Variants in CELSR1 observed in about 807,000 individuals in gnomAD.
CELSR1 encodes adhesion G protein-coupled receptor C1.
In CELSR1, 110 loss-of-function variants were observed where a neutral mutation model predicts 249.1. That is an observed-to-expected ratio of 0.44 (90% CI 0.38 to 0.52). The LOEUF (loss-of-function observed/expected upper bound fraction) is 0.52, where lower values mean the gene tolerates loss of function less well. Ranked by LOEUF, CELSR1 falls within the 20% of genes least tolerant of loss-of-function variation. The probability of loss-of-function intolerance (pLI) is 0.00; values close to 1 mark genes in which losing one functional copy is unlikely to be tolerated. For synonymous variants in CELSR1, 2,113 were observed against 1,900.0 expected (o/e 1.11, Z -2.92); for missense variants, 4,109 against 4,296.4 (o/e 0.96, Z 1.22).
chr22:46,391,175 C>T lies in CELSR1; in HGVS notation c.6250+11G>A, dbSNP rs375010005. 480 of 1,608,900 alleles carry T rather than the reference C, an allele frequency of 3.0e-4. 2 individuals are homozygous for T. The highest frequency in any genetic ancestry group is 7.6e-5 in the Non-Finnish European group (90 of 1,177,540). On this transcript the variant is annotated intron_variant, in intron 16 of 34. Transcript: ENST00000674500. This position sits in a 1 kb window ranked among gnomAD's most constrained non-coding sequence, Gnocchi z 4.3. Reference sequence around the variant, plus strand: ...GCCTCAGTTCCCTACACACAGGCCACGGCGACTCACCAACGGATCCCTTAG... The same window carrying T: ...GCCTCAGTTCCCTACACACAGGCCATGGCGACTCACCAACGGATCCCTTAG...
At chr22:46,489,998 G>A (rs551924010) in intron 1 of CELSR1, among the ~76,000 whole-genome samples, 1 of 152,154 alleles carries the variant, frequency 6.6e-6, no homozygotes, top group South Asian at 2.1e-4. Context: ...GTGGGAAAGC[G>A]TCCTCCTGGC....
Position 46,410,640 on chromosome 22 carries a change from T to C in CELSR1, c.4770-79A>G, listed in dbSNP as rs547312092. The C allele has an allele frequency of 6.8e-7, 1 of 1,461,226 alleles. No individual in the cohort carries two copies. The highest frequency in any genetic ancestry group is 1.2e-5 in the South Asian group (1 of 84,386). The allele number at this position is 1,461,226 out of a possible 1,614,324, so 90.5% of individuals were successfully genotyped here. A position where few individuals can be genotyped will look rare whatever the true frequency, so the allele number is the denominator to read the frequency against. ...GCGGGCTGGGCTCCGCAGTTGCCTC[T>C]GTGTAGCCTCTACCACCATAACTAC... On this transcript the variant is annotated intron_variant, in intron 6 of 34. Coordinates refer to ENST00000674500, the MANE Select transcript of CELSR1 (RefSeq NM_001378328.1). The surrounding 1 kb of genome is among the most constrained non-coding windows in gnomAD (Gnocchi z 6.8).
chr22:46,498,066 T>C (rs2080430011), intron 1 of CELSR1, among the ~76,000 whole-genome samples: 1 of 150,422 alleles, frequency 6.6e-6, no homozygotes, highest in African/African-American at 2.5e-5. Flanking sequence ...CTGACCAACA[T>C]GGAGAAACCC....
rs2079506931 is a variant in CELSR1 at position 46,423,818 on chromosome 22, C to G, written c.4611+9575G>C. Among the ~76,000 whole-genome samples the G allele has an allele frequency of 6.7e-6, 1 of 150,266 alleles. No homozygotes were observed. The highest frequency in any genetic ancestry group is 1.5e-5 in the Non-Finnish European group (1 of 67,544). ...GAAATCCCATCTCTACTAAAAATAC[C>G]AAAATTAGCCAGGCGTGGTGGTGGT... On this transcript the variant is annotated intron_variant, in intron 5 of 34. Transcript: ENST00000674500. The surrounding 1 kb of genome is among the most constrained non-coding windows in gnomAD (Gnocchi z 5.6).
Position 46,439,296 on chromosome 22 carries a change from G to T in CELSR1, c.4299C>A (p.Gly1433=). The T allele has an allele frequency of 1.9e-6, 3 of 1,614,068 alleles. No homozygotes were observed. Among genetic ancestry groups the T allele is most frequent in the Non-Finnish European group, 2.5e-6 (3 of 1,180,010 alleles). The change falls in exon 3 of 35, where the codon GGC becomes GGA. Residue 1433 remains glycine, a synonymous_variant. Coordinates refer to ENST00000674500, the MANE Select transcript of CELSR1 (RefSeq NM_001378328.1). ...CCTCACAGTAGGGCCTCTCATACTCGCCAGGAGGACACACGCAGTGGAAGC... is the reference window on the plus strand; with the variant it reads ...CCTCACAGTAGGGCCTCTCATACTCTCCAGGAGGACACACGCAGTGGAAGC... ...IGGFHCVCPP[G]EYERPYCEVT...
At chr22:46,450,669 T>G (rs1569172184) in intron 2 of CELSR1, among the ~76,000 whole-genome samples, 1 of 152,140 alleles carries the variant, frequency 6.6e-6, no homozygotes, top group Admixed American at 6.5e-5. Flanking sequence ...CTCACTGCCT[T>G]CCCTGGACAG....
chr22:46,425,895 TGTAA>T (rs2079531427), intron 5 of CELSR1, among the ~76,000 whole-genome samples: 1 of 152,264 alleles, frequency 6.6e-6, no homozygotes, highest in African/African-American at 2.4e-5. Flanking sequence ...CCTTTTCTAA[TGTAA>T]GTATTTAGTG....
At position 46,399,395 on chromosome 22, in the gene CELSR1, G is replaced by T. The variant is rs746564024; in HGVS notation, c.5412+322C>A. ...GCTACTTCAGTACCCTAAAGACATG[G>T]TGCTGAGCCTGCAGGTGTTGCTCAA... is the stretch of plus-strand genomic sequence containing the variant. On this transcript the variant is annotated intron_variant, in intron 10 of 34. Coordinates refer to ENST00000674500, the MANE Select transcript of CELSR1 (RefSeq NM_001378328.1). This position sits in a 1 kb window ranked among gnomAD's most constrained non-coding sequence, Gnocchi z 5.0. Among the ~76,000 whole-genome samples the T allele has an allele frequency of 8.9e-4, 135 of 152,222 alleles. No homozygotes were observed. Among genetic ancestry groups the T allele is most frequent in the Admixed American group, 2.4e-3 (37 of 15,286 alleles).
At chr22:46,478,841 C>T (rs2092353) in intron 1 of CELSR1, among the ~76,000 whole-genome samples, 1 of 151,546 alleles carries the variant, frequency 6.6e-6, no homozygotes, top group Non-Finnish European at 1.5e-5. Flanking sequence ...TGTGAGCCAC[C>T]GTGCCCAGCC....
At chr22:46,426,013 T>A (rs2079532407) in intron 5 of CELSR1, among the ~76,000 whole-genome samples, 1 of 152,040 alleles carries the variant, frequency 6.6e-6, no homozygotes. Context: ...CCTTCTTCCC[T>A]TCCTCCCTTC....
In CELSR1 at chr22:46,463,804, C is replaced by T. The variant is rs140328042; in HGVS notation, c.4086G>A (p.Thr1362=). 722 of 1,608,756 alleles carry T rather than the reference C, an allele frequency of 4.5e-4. 3 individuals are homozygous for T. The African/African-American group carries it at 8.3e-3, about 19-fold the overall frequency. Residue 1362 remains threonine, a synonymous_variant, in exon 2 of 35, where the codon ACG becomes ACA. Coordinates refer to ENST00000674500, the MANE Select transcript of CELSR1 (RefSeq NM_001378328.1). The part of the protein sequence containing the change: ...PPGFTGDYCE[T]EIDLCYSDPC... ...GGTCGGAGTAGCAGAGGTCGATCTCCGTCTCGCAGTAGTCGCCGGTGAAGC... is the reference window on the plus strand; with the variant it reads ...GGTCGGAGTAGCAGAGGTCGATCTCTGTCTCGCAGTAGTCGCCGGTGAAGC...
rs180861692 is a variant in CELSR1, at chr22:46,449,211, G to A, written c.4184-9800C>T. 5.3e-3 allele frequency among the ~76,000 whole-genome samples: 564 copies of A among 106,884 alleles called. 2 individuals are homozygous for A. The highest frequency in any genetic ancestry group is 0.014 in the African/African-American group (402 of 27,930). 70.1% of individuals were successfully genotyped at this position (106,884 alleles called of 152,430 possible). A position where few individuals can be genotyped will look rare whatever the true frequency, so the allele number is the denominator to read the frequency against. On this transcript the variant is annotated intron_variant, in intron 2 of 34. Transcript: ENST00000674500. ...CCATCACACATCCATCCATCCATCC[G>A]ACCACCCATCACACATCCATCCAGC...
In CELSR1 at chr22:46,526,088, G is replaced by C. The variant is rs1458604591; in HGVS notation, c.3544+7539C>G. On this transcript the variant is annotated intron_variant, in intron 1 of 34. Coordinates refer to ENST00000674500, the MANE Select transcript of CELSR1 (RefSeq NM_001378328.1). This position sits in a 1 kb window ranked among gnomAD's most constrained non-coding sequence, Gnocchi z 4.7. ...TTGTCCCCGGGCAGCTGGTGCTGAGGTGGGCGCCCTGCCCTGGTGAGTCCA... is the reference window on the plus strand; with the variant it reads ...TTGTCCCCGGGCAGCTGGTGCTGAGCTGGGCGCCCTGCCCTGGTGAGTCCA... 6.6e-6 allele frequency among the ~76,000 whole-genome samples: 1 copy of C among 152,234 alleles called. No individual in the cohort carries two copies. The highest frequency in any genetic ancestry group is 1.5e-5 in the Non-Finnish European group (1 of 68,044).
At chr22:46,442,231 C>A (rs567341025) in intron 2 of CELSR1, among the ~76,000 whole-genome samples, 2 of 152,230 alleles carry the variant, frequency 1.3e-5, no homozygotes, top group Admixed American at 6.5e-5. Context: ...CCCTCCAGGA[C>A]GGGGCTCTGG....
At chr22:46,469,017 A>C (rs2080126960) in intron 1 of CELSR1, among the ~76,000 whole-genome samples, 1 of 152,044 alleles carries the variant, frequency 6.6e-6, no homozygotes, top group Non-Finnish European at 1.5e-5. Context: ...CAGAGGTTGC[A>C]GTGAGCCAAG....
At chr22:46,505,989 G>A (rs1162009355) in intron 1 of CELSR1, among the ~76,000 whole-genome samples, 2 of 151,936 alleles carry the variant, frequency 1.3e-5, no homozygotes, top group Non-Finnish European at 2.9e-5. Context: ...GACCAGACTG[G>A]CCAATGTGGT....
At chr22:46,479,366 G>C (rs1002143818) in intron 1 of CELSR1, among the ~76,000 whole-genome samples, 2 of 152,112 alleles carry the variant, frequency 1.3e-5, no homozygotes, top group African/African-American at 4.8e-5. Context: ...TGTGCAGAAA[G>C]GCTGCGGCAG....
Position 46,464,938 on chromosome 22 carries a change from C to T in CELSR1, c.3545-593G>A, listed in dbSNP as rs1450016561. ...TCCCACTTAGCTCGGCTGTACCCCA[C>T]GCAACTCCACATGCCCAGCACACAG... On this transcript the variant is annotated intron_variant, in intron 1 of 34. Transcript: ENST00000674500. The surrounding 1 kb of genome is among the most constrained non-coding windows in gnomAD (Gnocchi z 8.5). Among the ~76,000 whole-genome samples, 8 of 152,162 alleles carry T rather than the reference C, an allele frequency of 5.3e-5. No homozygotes were observed. Among genetic ancestry groups the T allele is most frequent in the Non-Finnish European group, 1.0e-4 (7 of 68,040 alleles).
At chr22:46,487,844 G>A (rs1018736266) in intron 1 of CELSR1, among the ~76,000 whole-genome samples, 11 of 142,336 alleles carry the variant, frequency 7.7e-5, no homozygotes, top group Non-Finnish European at 1.7e-4. Flanking sequence ...GGGAAGAAGG[G>A]AGTCCAGGGT....
Sources: allele counts gnomAD v4.1 joint callset (sites outside exome capture counted in the v4.1 genomes callset), GRCh38; gene constraint gnomAD v4.1.1; non-coding constraint Gnocchi (gnomAD v3.1); transcripts MANE v1.5; gene names NCBI Gene and HGNC (gene_info 2026-07-23, HGNC 2026-07-21).